The following CNTNAP2 variants were observed in gnomAD, a reference collection of about 807,000 sequenced individuals.
CNTNAP2 encodes the protein contactin-associated protein-like 2.
In CNTNAP2, 98 loss-of-function variants were observed where a neutral mutation model predicts 155.2. That is an observed-to-expected ratio of 0.63 (90% CI 0.54 to 0.75). CNTNAP2 has a LOEUF of 0.75. Ranked by LOEUF, CNTNAP2 falls within the 30% of genes least tolerant of loss-of-function variation. CNTNAP2 has a pLI of 0.00. For missense variants in CNTNAP2, 1,727 were observed against 1,688.1 expected, an observed-to-expected ratio of 1.02 and a Z score of -0.40; for synonymous variants, 651 against 631.2, an observed-to-expected ratio of 1.03 and a Z score of -0.47.
chr7:146,853,006 G>GA (rs1794909243), intron 3 of CNTNAP2, among the ~76,000 whole-genome samples: 2 of 152,044 alleles, frequency 1.3e-5, no homozygotes, highest in Non-Finnish European at 2.9e-5. Context: ...TAGAGCAAGA[G>GA]AAAAAGACTG....
intron 9 of CNTNAP2, among the ~76,000 whole-genome samples, chr7:147,318,258 G>A (rs982234662): frequency 2.0e-5 from 3 of 152,064 alleles, no homozygotes; most frequent in Non-Finnish European, 4.4e-5. Context: ...CCTGAGCAAT[G>A]TGGTGAAACC....
chr7:148,392,732 T>A (rs1200257658), intron 22 of CNTNAP2, among the ~76,000 whole-genome samples: 2 of 152,080 alleles, frequency 1.3e-5, no homozygotes, highest in African/African-American at 4.8e-5. Context: ...GGGTTGAGAA[T>A]CCCCTGCCAA....
intron 11 of CNTNAP2, among the ~76,000 whole-genome samples, chr7:147,556,771 G>T (rs770089757): frequency 2.0e-5 from 3 of 152,138 alleles, no homozygotes; most frequent in Admixed American, 1.3e-4. Flanking sequence ...AACCAGAACT[G>T]TATCATTATT....
chr7:147,230,497 T>C (rs886596286), intron 8 of CNTNAP2, among the ~76,000 whole-genome samples: 5 of 152,106 alleles, frequency 3.3e-5, no homozygotes, highest in Admixed American at 3.3e-4. Context: ...ACCTCGTCCA[T>C]GTCAGCCTCT....
intron 1 of CNTNAP2, among the ~76,000 whole-genome samples, chr7:146,332,309 A>G (rs1467091576): frequency 6.6e-6 from 1 of 152,120 alleles, no homozygotes; most frequent in Non-Finnish European, 1.5e-5. Context: ...TAAACATATA[A>G]AAATAATAGT....
chr7:146,456,478 T>C (rs767684399), intron 1 of CNTNAP2, among the ~76,000 whole-genome samples: 1 of 152,148 alleles, frequency 6.6e-6, no homozygotes, highest in Non-Finnish European at 1.5e-5. Context: ...GAAAACTTCC[T>C]CTGCTTGGGC....
At chr7:147,560,015 T>C (rs1047191141) in intron 11 of CNTNAP2, among the ~76,000 whole-genome samples, 13 of 151,588 alleles carry the variant, frequency 8.6e-5, no homozygotes, top group Non-Finnish European at 1.5e-5. Context: ...CTAAAAATAC[T>C]AAATTAGCCG....
chr7:146,761,098 C>T (rs917101531), intron 1 of CNTNAP2, among the ~76,000 whole-genome samples: 2 of 152,120 alleles, frequency 1.3e-5, no homozygotes, highest in African/African-American at 2.4e-5. Flanking sequence ...ATTCAATGAT[C>T]GCCACCTTCC....
At chr7:147,806,654 A>G (rs1798096226) in intron 13 of CNTNAP2, among the ~76,000 whole-genome samples, 1 of 152,232 alleles carries the variant, frequency 6.6e-6, no homozygotes, top group Non-Finnish European at 1.5e-5. Flanking sequence ...ACAAAATGGA[A>G]TATTATTCAA....
chr7:146,300,617 G>C (rs1205077006), intron 1 of CNTNAP2, among the ~76,000 whole-genome samples: 1 of 151,994 alleles, frequency 6.6e-6, no homozygotes, highest in Non-Finnish European at 1.5e-5. Context: ...AGTCTTTTAG[G>C]TTGGCCATAT....
intron 10 of CNTNAP2, among the ~76,000 whole-genome samples, chr7:147,414,941 C>CAAAAAAAA (rs67048724): frequency 2.0e-4 from 10 of 50,938 alleles, no homozygotes; most frequent in South Asian, 1.2e-3. Flanking sequence ...GACTCCTTCT[C>CAAAAAAAA]AAAAAAAAAA....
chr7:146,962,389 T>C (rs1797572459), intron 3 of CNTNAP2, among the ~76,000 whole-genome samples: 1 of 152,204 alleles, frequency 6.6e-6, no homozygotes, highest in Non-Finnish European at 1.5e-5. Flanking sequence ...TTCTTCTGAC[T>C]AAGTAAGGAA....
intron 3 of CNTNAP2, among the ~76,000 whole-genome samples, chr7:146,887,166 G>A (rs1004418311): frequency 6.6e-6 from 1 of 151,226 alleles, no homozygotes; most frequent in Non-Finnish European, 1.5e-5. Context: ...GTTTGTTTGC[G>A]ACAGTGGAGT....
At chr7:147,695,943 G>A (rs1258732038) in intron 13 of CNTNAP2, among the ~76,000 whole-genome samples, 1 of 152,144 alleles carries the variant, frequency 6.6e-6, no homozygotes, top group Non-Finnish European at 1.5e-5. Flanking sequence ...CCACTTTCCT[G>A]ACAAATTTTC....
chr7:148,243,980 CAA>C lies in CNTNAP2; in HGVS notation c.3381+14203_3381+14204del, dbSNP rs531794632. ...ATAGGTGCTAGGGGTTTAGCATGTG[CAA>C]AGTTATATGAAACTTGTTTAGACAT... On this transcript the variant is annotated intron_variant, in intron 20 of 23. Transcript: ENST00000361727. Among the ~76,000 whole-genome samples the C allele has an allele frequency of 4.9e-3, 744 of 152,228 alleles. 4 individuals carry two copies. Among genetic ancestry groups the C allele is most frequent in the African/African-American group, 0.017 (686 of 41,550 alleles).
At chr7:146,569,308 C>T (rs1798405854) in intron 1 of CNTNAP2, among the ~76,000 whole-genome samples, 1 of 152,138 alleles carries the variant, frequency 6.6e-6, no homozygotes, top group South Asian at 2.1e-4. Flanking sequence ...CGTGAGCCGC[C>T]GCGCCCGGCC....
intron 1 of CNTNAP2, among the ~76,000 whole-genome samples, chr7:146,297,191 A>G (rs1316821005): frequency 6.6e-6 from 1 of 152,164 alleles, no homozygotes; most frequent in South Asian, 2.1e-4. Flanking sequence ...TGATATATAG[A>G]AAAACAATTT....
At chr7:147,591,893 T>C (rs1272928658) in intron 12 of CNTNAP2, among the ~76,000 whole-genome samples, 4 of 152,186 alleles carry the variant, frequency 2.6e-5, no homozygotes, top group Non-Finnish European at 5.9e-5. Flanking sequence ...AAATTTTCTT[T>C]GCCTGAAATT....
chr7:147,898,608 C>A (rs1203323671), intron 13 of CNTNAP2, among the ~76,000 whole-genome samples: 1 of 152,102 alleles, frequency 6.6e-6, no homozygotes, highest in Non-Finnish European at 1.5e-5. Context: ...CAACCTCTGC[C>A]ACCGAGGTTC....
Sources: allele counts gnomAD v4.1 joint callset (sites outside exome capture counted in the v4.1 genomes callset), GRCh38; gene constraint gnomAD v4.1.1; transcripts MANE v1.5; gene names NCBI Gene and HGNC (gene_info 2026-07-23, HGNC 2026-07-21).